BAIAP2L1: variants seen among roughly 807,000 people sequenced by gnomAD.
BAIAP2L1 encodes the protein BAR/IMD domain containing adaptor protein 2 like 1, also known as BAR/IMD domain-containing adapter protein 2-like 1.
Under a neutral mutation model 66.3 loss-of-function variants are expected in BAIAP2L1, and 35 were observed. The ratio of observed to expected loss-of-function variants is 0.53; its 90% confidence interval spans 0.40 to 0.70. The LOEUF is 0.70. BAIAP2L1 is among the 30% of genes least tolerant of loss of function. The pLI is 0.00. For synonymous variants in BAIAP2L1, 269 were observed against 248.7 expected (o/e 1.08, Z -0.77); for missense variants, 622 against 656.9 (o/e 0.95, Z 0.58).
intron 3 of BAIAP2L1, among the ~76,000 whole-genome samples, chr7:98,331,870 G>T (rs747056443): frequency 3.9e-5 from 6 of 152,178 alleles, no homozygotes; most frequent in African/African-American, 1.4e-4. Context: ...CAAGCAAGAA[G>T]AGAGTGGAGT....
At chr7:98,395,836 G>C (rs1284980766) in intron 1 of BAIAP2L1, among the ~76,000 whole-genome samples, 1 of 152,104 alleles carries the variant, frequency 6.6e-6, no homozygotes, top group Non-Finnish European at 1.5e-5. Context: ...TGCGTGACCA[G>C]CCTGGGCAAC....
chr7:98,350,865 GT>G (rs549052923), intron 3 of BAIAP2L1, among the ~76,000 whole-genome samples: 3 of 149,434 alleles, frequency 2.0e-5, no homozygotes, highest in Non-Finnish European at 4.5e-5. Flanking sequence ...GTTTTTGTTT[GT>G]TTTTTTTTGA....
chr7:98,310,686 C>CTATTTATTTATT lies in BAIAP2L1; in HGVS notation c.808-106_808-95dup, dbSNP rs3062609. The CTATTTATTTATT allele has an allele frequency of 1.3e-3, 1,018 of 804,354 alleles. 18 individuals are homozygous for CTATTTATTTATT. The African/African-American group carries it at 0.015, about 12-fold the overall frequency. The allele number at this position is 804,354 out of a possible 1,614,324, so 49.8% of individuals were successfully genotyped here. A position where few individuals can be genotyped will look rare whatever the true frequency, so the allele number is the denominator to read the frequency against. ...CTGTTTTTTTTTTTTAAATAATAGG[C>CTATTTATTTATT]TATTTATTTATTTATTTTGAGACAG... On this transcript the variant is annotated intron_variant, in intron 8 of 13. Coordinates refer to ENST00000005260, the MANE Select transcript of BAIAP2L1 (RefSeq NM_018842.5).
chr7:98,366,057 A>C (rs1372372345), intron 1 of BAIAP2L1, among the ~76,000 whole-genome samples: 2 of 152,092 alleles, frequency 1.3e-5, no homozygotes, highest in African/African-American at 4.8e-5. Flanking sequence ...GCTTCATTCC[A>C]AGCCAATGGC....
chr7:98,315,645 A>ATTTTT, intron 6 of BAIAP2L1, 33 bp from the exon 7 acceptor site: 1 of 1,073,908 alleles, frequency 9.3e-7, no homozygotes, highest in Non-Finnish European at 1.2e-6. Flanking sequence ...AATAATAATT[A>ATTTTT]TATAAGCATG....
In BAIAP2L1 at chr7:98,372,815, G is replaced by A. The variant is rs923862960; in HGVS notation, c.52-10383C>T. Among the ~76,000 whole-genome samples, 3 of 145,320 alleles carry A rather than the reference G, an allele frequency of 2.1e-5. No individual in the cohort carries two copies. The East Asian group carries it at 6.2e-4, about 30-fold the overall frequency. On this transcript the variant is annotated intron_variant, in intron 1 of 13. Coordinates refer to ENST00000005260, the MANE Select transcript of BAIAP2L1 (RefSeq NM_018842.5). Reference sequence around the variant, plus strand: ...ATGTAGTGGCCAGTGGCCTGATCTCGGCTCACTGCAACCTCTGCCTCCTGA... The same window carrying A: ...ATGTAGTGGCCAGTGGCCTGATCTCAGCTCACTGCAACCTCTGCCTCCTGA...
At chr7:98,319,826 C>A (rs1288064830) in intron 5 of BAIAP2L1, among the ~76,000 whole-genome samples, 3 of 152,178 alleles carry the variant, frequency 2.0e-5, no homozygotes, top group Non-Finnish European at 2.9e-5. Flanking sequence ...GCTGGGATTA[C>A]AGGCATGAGC....
At chr7:98,355,188 C>G (rs1802091348) in intron 2 of BAIAP2L1, 60 bp from the exon 3 acceptor site, 1 of 1,245,752 alleles carries the variant, frequency 8.0e-7, no homozygotes, top group African/African-American at 1.5e-5. Context: ...GGAAGCAACA[C>G]AAGTTTTCTT....
chr7:98,327,864 G>A (rs986620542), intron 3 of BAIAP2L1, among the ~76,000 whole-genome samples: 1 of 152,256 alleles, frequency 6.6e-6, no homozygotes, highest in Non-Finnish European at 1.5e-5. Context: ...GGGAGGTAAG[G>A]GGGAAATGGA....
rs866669753 is a variant in BAIAP2L1, at chr7:98,393,180, T to C, written c.51+7622A>G. 1.3e-4 allele frequency among the ~76,000 whole-genome samples: 10 copies of C among 75,234 alleles called. 1 individual carries two copies. The highest frequency in any genetic ancestry group is 4.4e-4 in the Admixed American group (3 of 6,868). 49.4% of individuals were successfully genotyped at this position (75,234 alleles called of 152,430 possible). On this transcript the variant is annotated intron_variant, in intron 1 of 13. Transcript: ENST00000005260. The stretch of plus-strand genomic sequence containing the variant: ...GTACACATATATGTATATATATACA[T>C]ATATGTGTGTGTTTATATATATATG...
chr7:98,396,118 C>A (rs1171337876), intron 1 of BAIAP2L1, among the ~76,000 whole-genome samples: 3 of 152,090 alleles, frequency 2.0e-5, no homozygotes, highest in South Asian at 2.1e-4. Flanking sequence ...GTTGCCCAGG[C>A]CAGAGTACAG....
intron 2 of BAIAP2L1, among the ~76,000 whole-genome samples, chr7:98,356,546 G>C (rs1802121265): frequency 6.6e-6 from 1 of 151,386 alleles, no homozygotes; most frequent in Non-Finnish European, 1.5e-5. Context: ...ACCCAGGCTG[G>C]AGTGCAGTGG....
intron 2 of BAIAP2L1, among the ~76,000 whole-genome samples, chr7:98,356,109 T>C (rs1425119360): frequency 6.6e-6 from 1 of 152,224 alleles, no homozygotes. Flanking sequence ...GAACTGATTC[T>C]GAAGACTAAA....
chr7:98,320,150 A>T, intron 4 of BAIAP2L1, 21 bp from the exon 5 acceptor site: 1 of 1,602,900 alleles, frequency 6.2e-7, no homozygotes, highest in Non-Finnish European at 8.5e-7. Context: ...AAGGAAATAA[A>T]TTCATACCAG....
chr7:98,338,223 G>A (rs1450886502), intron 3 of BAIAP2L1, among the ~76,000 whole-genome samples: 2 of 152,100 alleles, frequency 1.3e-5, no homozygotes, highest in East Asian at 1.9e-4. Context: ...ACGAGGTCAG[G>A]AGATCGAGAC....
In BAIAP2L1 at chr7:98,335,847, T is replaced by C. The variant is rs534021112; in HGVS notation, c.215-15549A>G. On this transcript the variant is annotated intron_variant, in intron 3 of 13. Transcript: ENST00000005260. ...CAGCGGCACAGCCGTTCACAGTTCC[T>C]GTCCAGGTTTTACAGAAGGGCTTGT... Among the ~76,000 whole-genome samples the C allele has an allele frequency of 7.4e-4, 113 of 152,300 alleles. 1 individual carries two copies. The highest frequency in any genetic ancestry group is 4.9e-4 in the Non-Finnish European group (33 of 68,028).
At chr7:98,320,172 TAA>T (rs1801203706) in intron 4 of BAIAP2L1, 43 bp from the exon 5 acceptor site, 1 of 1,592,040 alleles carries the variant, frequency 6.3e-7, no homozygotes, top group Admixed American at 1.7e-5. Flanking sequence ...TTTGAGATTT[TAA>T]GCAAAATAAG....
At chr7:98,395,004 G>A (rs930816124) in intron 1 of BAIAP2L1, among the ~76,000 whole-genome samples, 7 of 151,812 alleles carry the variant, frequency 4.6e-5, no homozygotes, top group Admixed American at 6.6e-5. Context: ...CCAGCTACTC[G>A]GGAGGCTGAG....
At chr7:98,355,943 T>A (rs1379546475) in intron 2 of BAIAP2L1, among the ~76,000 whole-genome samples, 1 of 152,148 alleles carries the variant, frequency 6.6e-6, no homozygotes, top group Non-Finnish European at 1.5e-5. Flanking sequence ...CAGGAGAGAA[T>A]ATATGAAATT....
Sources: gnomAD v4.1 joint callset for allele counts (sites outside exome capture counted in the v4.1 genomes callset) on GRCh38, gnomAD v4.1.1 for gene constraint, MANE v1.5 for transcripts, NCBI Gene and HGNC (gene_info 2026-07-23, HGNC 2026-07-21) for gene names.